Variants in PTBP1 observed in about 807,000 individuals in gnomAD.
PTBP1 encodes the protein polypyrimidine tract binding protein 1, also known as polypyrimidine tract-binding protein 1.
Under a neutral mutation model 59.8 loss-of-function variants are expected in PTBP1, and 8 were observed. That is an observed-to-expected ratio of 0.13 (90% confidence interval 0.08 to 0.24). The LOEUF is 0.24. Among genes scored for constraint, PTBP1 ranks in the 10% least tolerant of loss-of-function variants. PTBP1 has a pLI of 1.00. For missense variants in PTBP1, 686 were observed against 767.0 expected, an observed-to-expected ratio of 0.89 and a Z score of 1.25; for synonymous variants, 490 against 320.7, an observed-to-expected ratio of 1.53 and a Z score of -5.64.
At chr19:807,723 A>C in intron 10 of PTBP1, 146 bp from the exon 11 acceptor site, 1 of 653,632 alleles carries the variant, frequency 1.5e-6, no homozygotes, top group Non-Finnish European at 2.7e-6. Context: ...CTGCCCTTGA[A>C]TATTAACATC....
chr19:805,608 T>C, intron 9 of PTBP1, 39 bp downstream of exon 9: 2 of 1,529,776 alleles, frequency 1.3e-6, no homozygotes, highest in Non-Finnish European at 1.8e-6. Context: ...AGCGACTGCA[T>C]GCCCACACCA....
chr19:798,033 G>T (rs1184363376), intron 1 of PTBP1, among the ~76,000 whole-genome samples: 3 of 151,274 alleles, frequency 2.0e-5, no homozygotes, highest in Non-Finnish European at 4.4e-5. Context: ...TGGGGCGGCC[G>T]CCGGGAGGGA....
chr19:801,898 T>C (rs2034352771), intron 2 of PTBP1, among the ~76,000 whole-genome samples: 2 of 152,190 alleles, frequency 1.3e-5, no homozygotes. Context: ...GCGAGAGGAC[T>C]CGAGGGTCTG....
At chr19:801,466 G>A (rs1431621648) in intron 2 of PTBP1, among the ~76,000 whole-genome samples, 3 of 152,264 alleles carry the variant, frequency 2.0e-5, no homozygotes, top group Admixed American at 2.0e-4. Flanking sequence ...TCAGGCAGGC[G>A]GCCAAGAGGA....
At chr19:805,356 C>G in intron 8 of PTBP1, 136 bp from the exon 9 acceptor site, 2 of 1,195,220 alleles carry the variant, frequency 1.7e-6, no homozygotes, top group Non-Finnish European at 1.2e-6. Context: ...ACCACGGCCC[C>G]CCCTGGAGCA....
At position 811,966 on chromosome 19, in the gene PTBP1, C is replaced by CG. The variant is rs2145050109; in HGVS notation, c.*1145dup. ...TTTCTACCGCCCCCGCGTCCTGTCC[C>CG]GGGGGCTCTCCTAGGATCCCCTTTC... On this transcript the variant is annotated 3_prime_UTR_variant, in exon 15 of 15. Transcript: ENST00000356948. 1 of 152,410 alleles carries CG rather than the reference C, an allele frequency of 6.6e-6. No individual in the cohort carries two copies. Among genetic ancestry groups the CG allele is most frequent in the African/African-American group, 2.4e-5 (1 of 41,526 alleles). The allele number at this position is 152,410 out of a possible 1,614,324, so 9.4% of individuals were successfully genotyped here.
chr19:800,803 C>G (rs941528229), intron 2 of PTBP1, among the ~76,000 whole-genome samples: 7 of 152,206 alleles, frequency 4.6e-5, no homozygotes, highest in African/African-American at 1.4e-4. Flanking sequence ...TTCTGTGGGC[C>G]TGCTTTCCAG....
In PTBP1 at chr19:810,609, C is replaced by T. The variant is rs1342125283; in HGVS notation, c.1530C>T (p.Phe510=). 10 of 1,613,744 alleles carry T rather than the reference C, an allele frequency of 6.2e-6. No homozygotes were observed. The highest frequency in any genetic ancestry group is 3.3e-5 in the Admixed American group (2 of 59,936). Residue 510 remains phenylalanine (F), a synonymous_variant, in exon 14 of 15, where the codon TTC becomes TTT. Transcript: ENST00000356948. The part of the protein sequence containing the change: ...FSSNGGVVKG[F]KFFQKDRKMA... The stretch of plus-strand genomic sequence containing the variant: ...GCAATGGGGGCGTCGTCAAAGGATT[C>T]AAGTTCTTCCAGTGAGTATGAGGCG...
At chr19:804,485 TG>T (rs1213353458) in intron 5 of PTBP1, 46 bp from the exon 6 acceptor site, 7 of 1,594,792 alleles carry the variant, frequency 4.4e-6, no homozygotes, top group Non-Finnish European at 5.1e-6. Context: ...ACCTCGGGGG[TG>T]GGCCCAGCCG....
In PTBP1 at chr19:808,893, A is replaced by C. The variant is rs544247010; in HGVS notation, c.1463+131A>C. On this transcript the variant is annotated intron_variant, in intron 13 of 14. Transcript: ENST00000356948. The surrounding 1 kb of genome is among the most constrained non-coding windows in gnomAD (Gnocchi z 4.7). ...TCGGGCACCTCTTACCCCAAACCTG[A>C]AGTACTGCAAGGCCTGGAGCTTGAG... 2 of 813,702 alleles carry C rather than the reference A, an allele frequency of 2.5e-6. No homozygotes were observed. The highest frequency in any genetic ancestry group is 2.7e-5 in the East Asian group (1 of 37,384). 50.4% of individuals were successfully genotyped at this position (813,702 alleles called of 1,614,324 possible).
chr19:803,813 G>C (rs1481692416), intron 3 of PTBP1, among the ~76,000 whole-genome samples, 177 bp downstream of exon 3: 3 of 152,326 alleles, frequency 2.0e-5, no homozygotes, highest in Non-Finnish European at 2.9e-5. Flanking sequence ...CTGGATGGAT[G>C]GTCCAGGCTG....
chr19:800,464 G>A (rs1011307902), intron 2 of PTBP1, among the ~76,000 whole-genome samples: 9 of 152,190 alleles, frequency 5.9e-5, no homozygotes, highest in African/African-American at 1.7e-4. Flanking sequence ...GCTTAGCTGG[G>A]GTAGTTGGTT....
rs183469766 is a variant in PTBP1 at position 810,494 on chromosome 19, C to T, written c.1464-49C>T. The T allele has an allele frequency of 2.1e-3, 3,175 of 1,538,034 alleles. 68 individuals carry two copies. The South Asian group carries it at 0.033, about 16-fold the overall frequency. ...GGAAAGCCTCGCGGACCTGACTGGG[C>T]GCCCCCACCCCCACGCGGCCCCAGG... On this transcript the variant is annotated intron_variant, in intron 13 of 14. Coordinates refer to ENST00000356948, the MANE Select transcript of PTBP1 (RefSeq NM_002819.5).
chr19:799,337 G>T (rs1189303182), intron 1 of PTBP1, 76 bp from the exon 2 acceptor site: 1 of 1,410,182 alleles, frequency 7.1e-7, no homozygotes, highest in Non-Finnish European at 1.0e-6. Context: ...GGGCTCTCCT[G>T]GCCCGGGGAC....
chr19:806,035 CCCGG>C (rs2034550495), intron 9 of PTBP1: 1 of 237,404 alleles, frequency 4.2e-6, no homozygotes, highest in Non-Finnish European at 8.1e-6. Flanking sequence ...GCGCGTGCCG[CCCGG>C]CGGCCGCCTC....
intron 1 of PTBP1, among the ~76,000 whole-genome samples, chr19:797,825 G>A (rs2034139703): frequency 6.7e-6 from 1 of 148,378 alleles, no homozygotes; most frequent in African/African-American, 2.4e-5. Context: ...GCGGCGCGCG[G>A]CCCTTCCCGC....
chr19:806,370 G>GCTCT (rs1568271612), intron 9 of PTBP1, 38 bp from the exon 10 acceptor site: 1 of 1,569,580 alleles, frequency 6.4e-7, no homozygotes, highest in East Asian at 2.4e-5. Flanking sequence ...CGGTGGAGTC[G>GCTCT]GGGGCGCCGC....
In PTBP1 at chr19:811,878, GTT is replaced by G. The variant is rs2034894629; in HGVS notation, c.*1055_*1056del. 1 of 152,272 alleles carries G rather than the reference GTT, an allele frequency of 6.6e-6. No individual in the cohort carries two copies. Among genetic ancestry groups the G allele is most frequent in the African/African-American group, 2.4e-5 (1 of 41,396 alleles). The allele number at this position is 152,272 out of a possible 1,614,324, so 9.4% of individuals were successfully genotyped here. ...TTTTGGACCAAAGTCTCATTTCTGT[GTT>G]TTGCCTGCCTCTGATGCTGGGACCC... On this transcript the variant is annotated 3_prime_UTR_variant, in exon 15 of 15. Coordinates refer to ENST00000356948, the MANE Select transcript of PTBP1 (RefSeq NM_002819.5).
intron 2 of PTBP1, among the ~76,000 whole-genome samples, chr19:800,411 A>G (rs963242574): frequency 1.3e-5 from 2 of 152,082 alleles, no homozygotes; most frequent in Non-Finnish European, 2.9e-5. Flanking sequence ...CTGGAGAAGA[A>G]GAAGGTCCTG....
Sources: gnomAD v4.1 joint callset for allele counts (sites outside exome capture counted in the v4.1 genomes callset) on GRCh38, gnomAD v4.1.1 for gene constraint, Gnocchi (gnomAD v3.1) non-coding constraint, MANE v1.5 for transcripts, NCBI Gene and HGNC (gene_info 2026-07-23, HGNC 2026-07-21) for gene names.